DNAAF9: variants seen among roughly 807,000 people sequenced by gnomAD.
The protein encoded by DNAAF9 is dynein axonemal assembly factor 9, also known as shulin.
A neutral mutation model predicts 167.0 loss-of-function variants in DNAAF9; 90 were observed. The observed-to-expected ratio is 0.54, with a 90% confidence interval of 0.45 to 0.64. The LOEUF is 0.64. Among genes scored for constraint, DNAAF9 ranks in the 30% least tolerant of loss-of-function variants. The probability of loss-of-function intolerance (pLI) is 0.00; values close to 1 mark genes in which losing one functional copy is unlikely to be tolerated. For synonymous variants in DNAAF9, 491 were observed against 508.8 expected (o/e 0.96, Z 0.47); for missense variants, 1,315 against 1,442.2 (o/e 0.91, Z 1.43).
intron 6 of DNAAF9, among the ~76,000 whole-genome samples, chr20:3,371,059 C>T (rs928337434): frequency 6.6e-6 from 1 of 152,076 alleles, no homozygotes; most frequent in Admixed American, 6.5e-5. Context: ...CTTCCCATTG[C>T]TTTAATCTAC....
In DNAAF9 at chr20:3,251,585, G is replaced by C. The variant is rs1292698768; in HGVS notation, c.*987C>G. ...TATTTGAAATTCCCAATCCTCAGGA[G>C]CCACACAAGCCCAGGGCCAGCAACA... On this transcript the variant is annotated 3_prime_UTR_variant, in exon 37 of 37. Coordinates refer to ENST00000252032, the MANE Select transcript of DNAAF9 (RefSeq NM_001009984.3). The C allele has an allele frequency of 1.3e-5, 2 of 152,264 alleles. No homozygotes were observed. Among genetic ancestry groups the C allele is most frequent in the South Asian group, 4.1e-4 (2 of 4,832 alleles). The allele number at this position is 152,264 out of a possible 1,614,324, so 9.4% of individuals were successfully genotyped here.
At chr20:3,256,287 A>C (rs1555783462) in intron 33 of DNAAF9, 76 bp from the exon 34 acceptor site, 5 of 1,046,582 alleles carry the variant, frequency 4.8e-6, no homozygotes, top group Non-Finnish European at 5.9e-6. Context: ...GTGACAATGC[A>C]GATGGTTGGG....
At chr20:3,359,455 C>T in intron 7 of DNAAF9, 61 bp downstream of exon 7, 1 of 1,044,664 alleles carries the variant, frequency 9.6e-7, no homozygotes, top group Non-Finnish European at 1.5e-6. Flanking sequence ...TTAAAGATCA[C>T]TAGCAGGTAA....
At chr20:3,328,968 C>T (rs1272810176) in intron 12 of DNAAF9, among the ~76,000 whole-genome samples, 2 of 150,920 alleles carry the variant, frequency 1.3e-5, no homozygotes, top group Admixed American at 6.6e-5. Flanking sequence ...ATCCCAGGTT[C>T]AAGCACTTCT....
At chr20:3,336,180 T>C (rs1174705224) in intron 10 of DNAAF9, among the ~76,000 whole-genome samples, 1 of 151,754 alleles carries the variant, frequency 6.6e-6, no homozygotes, top group African/African-American at 2.4e-5. Context: ...TGTGTATTGG[T>C]GTGGGTATTT....
chr20:3,349,894 G>T (rs1219256352), intron 7 of DNAAF9, among the ~76,000 whole-genome samples: 1 of 151,894 alleles, frequency 6.6e-6, no homozygotes, highest in Non-Finnish European at 1.5e-5. Flanking sequence ...ACCATGGAAG[G>T]GTATGTATGT....
rs2068194863 is a variant in DNAAF9 at position 3,251,532 on chromosome 20, G to A, written c.*1040C>T. 1 of 152,228 alleles carries A rather than the reference G, an allele frequency of 6.6e-6. No individual in the cohort carries two copies. The highest frequency in any genetic ancestry group is 1.5e-5 in the Non-Finnish European group (1 of 68,054). 9.4% of individuals were successfully genotyped at this position (152,228 alleles called of 1,614,324 possible). A position where few individuals can be genotyped will look rare whatever the true frequency, so the allele number is the denominator to read the frequency against. On this transcript the variant is annotated 3_prime_UTR_variant, in exon 37 of 37. Transcript: ENST00000252032. ...GGTCCAGCTTAAAACGATGCCATTA[G>A]AAGGAATTCTAACTCAGGTATTGCA...
rs151172643 is a variant in DNAAF9, at chr20:3,252,768, G to C, written c.3422-84C>G. Reference sequence around the variant, plus strand: ...CCCAGAGCGGCCTGTAGGCAGGTGAGGGGGGTTTGCTGAGGAAGTGAGTGT... The same window carrying C: ...CCCAGAGCGGCCTGTAGGCAGGTGACGGGGGTTTGCTGAGGAAGTGAGTGT... On this transcript the variant is annotated intron_variant, in intron 36 of 36. Transcript: ENST00000252032. The C allele has an allele frequency of 2.0e-3, 1,581 of 810,588 alleles. 21 individuals are homozygous for C. Among genetic ancestry groups the C allele is most frequent in the South Asian group, 9.2e-3 (662 of 71,622 alleles). The allele number at this position is 810,588 out of a possible 1,614,324, so 50.2% of individuals were successfully genotyped here. A position where few individuals can be genotyped will look rare whatever the true frequency, so the allele number is the denominator to read the frequency against.
chr20:3,331,474 G>A (rs2123079062), intron 11 of DNAAF9, among the ~76,000 whole-genome samples: 1 of 152,192 alleles, frequency 6.6e-6, no homozygotes, highest in East Asian at 1.9e-4. Flanking sequence ...TTTTCCATGT[G>A]TCTTTGGATA....
At chr20:3,277,248 G>A (rs2068689507) in intron 29 of DNAAF9, among the ~76,000 whole-genome samples, 1 of 152,148 alleles carries the variant, frequency 6.6e-6, no homozygotes, top group Non-Finnish European at 1.5e-5. Context: ...CAGAGCCAGT[G>A]GGCTTTTCTC....
intron 29 of DNAAF9, among the ~76,000 whole-genome samples, chr20:3,274,070 C>T (rs924933431): frequency 6.6e-6 from 1 of 151,642 alleles, no homozygotes; most frequent in Admixed American, 6.6e-5. Flanking sequence ...CTTCTCTGAA[C>T]TAAAAAAAAA....
intron 1 of DNAAF9, among the ~76,000 whole-genome samples, chr20:3,396,399 T>C (rs1365816531): frequency 2.0e-5 from 3 of 152,212 alleles, no homozygotes; most frequent in Admixed American, 6.5e-5. Context: ...GAGCACCTAC[T>C]GTGTGCCAAC....
chr20:3,278,393 GGA>G (rs1251203490), intron 29 of DNAAF9, among the ~76,000 whole-genome samples: 1 of 152,190 alleles, frequency 6.6e-6, no homozygotes, highest in African/African-American at 2.4e-5. Flanking sequence ...CCCAGCTCAA[GGA>G]GAGGTATTAC....
chr20:3,259,517 T>C lies in DNAAF9; in HGVS notation c.3018A>G (p.Gly1006=). Residue 1006 remains glycine, a synonymous_variant, in exon 33 of 37, where the codon GGA becomes GGG. Coordinates refer to ENST00000252032, the MANE Select transcript of DNAAF9 (RefSeq NM_001009984.3). ...CTTTGCCCAGGATGTGGTAGATGTT[T>C]CCGGAGAAGGGACTTGGCTTGATGG... ...QSSIKPSPFS[G]NIYHILGKVK... 1 of 1,613,274 alleles carries C rather than the reference T, an allele frequency of 6.2e-7. No homozygotes were observed. The highest frequency in any genetic ancestry group is 1.6e-4 in the Middle Eastern group (1 of 6,062).
chr20:3,407,521 G>A lies in DNAAF9; in HGVS notation c.37C>T (p.Arg13Cys). The change falls in exon 1 of 37, where the codon CGC (arginine) becomes TGC (cysteine). Residue 13 changes from arginine to cysteine, a missense_variant. Arg to Cys is a radical substitution (Grantham distance 180). Coordinates refer to ENST00000252032, the MANE Select transcript of DNAAF9 (RefSeq NM_001009984.3). ...VYPPRRQGLPRARSPGGSSRG... is the reference protein window; with the variant it reads ...VYPPRRQGLPCARSPGGSSRG... ...CTGGAGCCGCCAGGGGACCGAGCGC[G>A]GGGCAGCCCCTGCCGGCGCGGGGGG... 7.9e-7 allele frequency: 1 copy of A among 1,264,744 alleles called. No homozygotes were observed. Among genetic ancestry groups the A allele is most frequent in the Non-Finnish European group, 9.9e-7 (1 of 1,009,040 alleles). 78.3% of individuals were successfully genotyped at this position (1,264,744 alleles called of 1,614,324 possible).
rs544302269 is a variant in DNAAF9, at chr20:3,393,166, T to TTTTA, written c.84-10664_84-10661dup. Among the ~76,000 whole-genome samples, 1,446 of 152,072 alleles carry TTTTA rather than the reference T, an allele frequency of 9.5e-3. 20 individuals carry two copies. The highest frequency in any genetic ancestry group is 0.032 in the African/African-American group (1,324 of 41,440). On this transcript the variant is annotated intron_variant, in intron 1 of 36. Coordinates refer to ENST00000252032, the MANE Select transcript of DNAAF9 (RefSeq NM_001009984.3). ...CTGATCACTAATGATGTTGAATACC[T>TTTTA]TTTATTTATTTATTTATTTATTTAT...
chr20:3,342,903 C>T (rs569947407), intron 9 of DNAAF9, among the ~76,000 whole-genome samples: 1 of 152,302 alleles, frequency 6.6e-6, no homozygotes, highest in African/African-American at 2.4e-5. Flanking sequence ...CCTTCACACC[C>T]TGATCCCTTT....
At chr20:3,316,625 G>T in intron 18 of DNAAF9, 98 bp downstream of exon 18, 1 of 788,242 alleles carries the variant, frequency 1.3e-6, no homozygotes, top group Non-Finnish European at 2.2e-6. Flanking sequence ...TTCAGGACCT[G>T]ACATCCCACC....
At chr20:3,266,540 C>T (rs960391035) in intron 30 of DNAAF9, among the ~76,000 whole-genome samples, 8 of 152,098 alleles carry the variant, frequency 5.3e-5, no homozygotes, top group African/African-American at 9.7e-5. Flanking sequence ...TGCAGTGGCG[C>T]GGTCTCGGCC....
Sources: allele counts gnomAD v4.1 joint callset (sites outside exome capture counted in the v4.1 genomes callset), GRCh38; gene constraint gnomAD v4.1.1; transcripts MANE v1.5; gene names NCBI Gene and HGNC (gene_info 2026-07-23, HGNC 2026-07-21).